RNF150: variants seen among roughly 807,000 people sequenced by gnomAD.
The protein encoded by RNF150 is ring finger protein 150.
A neutral mutation model predicts 39.3 loss-of-function variants in RNF150; 24 were observed. The ratio of observed to expected loss-of-function variants is 0.61; its 90% CI spans 0.44 to 0.86. The LOEUF (loss-of-function observed/expected upper bound fraction) is 0.86, where lower values mean the gene tolerates loss of function less well. RNF150 is among the 40% of genes least tolerant of loss of function. The pLI, the probability that RNF150 is intolerant of heterozygous loss-of-function variation, is 0.00. For missense variants in RNF150, 502 were observed against 587.8 expected (o/e 0.85, Z 1.51); for synonymous variants, 255 against 227.3 (o/e 1.12, Z -1.10).
At chr4:141,048,479 C>A (rs148942290) in intron 1 of RNF150, among the ~76,000 whole-genome samples, 2 of 152,102 alleles carry the variant, frequency 1.3e-5, no homozygotes, top group East Asian at 3.9e-4. Flanking sequence ...GGGTATAATC[C>A]CAACACTTTG....
chr4:141,066,596 G>C (rs1386318449), intron 1 of RNF150, among the ~76,000 whole-genome samples: 2 of 152,132 alleles, frequency 1.3e-5, no homozygotes, highest in Non-Finnish European at 2.9e-5. Context: ...TAGTACCTTA[G>C]TAAGCATTCT....
chr4:140,967,922 A>G (rs760715216), intron 1 of RNF150, 49 bp from the exon 2 acceptor site: 3 of 1,551,492 alleles, frequency 1.9e-6, no homozygotes, highest in African/African-American at 2.7e-5. Context: ...GGGATAAGAT[A>G]TGGGGGATCC....
rs1184828240 is a variant in RNF150, at chr4:140,862,429, T to C, written c.*5832A>G. 6.6e-6 allele frequency: 1 copy of C among 152,004 alleles called. No homozygotes were observed. The highest frequency in any genetic ancestry group is 1.5e-5 in the Non-Finnish European group (1 of 68,040). The allele number at this position is 152,004 out of a possible 1,614,324, so 9.4% of individuals were successfully genotyped here. ...AGGTGAAGAGAGATGTGACTGACCTTAGCAGGTTCTTGTAGAACAAGCAGG... is the reference window on the plus strand; with the variant it reads ...AGGTGAAGAGAGATGTGACTGACCTCAGCAGGTTCTTGTAGAACAAGCAGG... On this transcript the variant is annotated 3_prime_UTR_variant, in exon 7 of 7. Transcript: ENST00000515673.
intron 1 of RNF150, among the ~76,000 whole-genome samples, chr4:141,123,556 AT>A (rs1285418586): frequency 6.7e-6 from 1 of 150,358 alleles, no homozygotes; most frequent in African/African-American, 2.5e-5. Flanking sequence ...TAATCATTTT[AT>A]TTTTTTTATT....
chr4:141,044,961 T>C (rs1423111221), intron 1 of RNF150, among the ~76,000 whole-genome samples: 1 of 152,256 alleles, frequency 6.6e-6, no homozygotes, highest in African/African-American at 2.4e-5. Flanking sequence ...GTATTTACCA[T>C]GTGCCAAGGC....
intron 6 of RNF150, among the ~76,000 whole-genome samples, chr4:140,871,534 A>G (rs995794027): frequency 6.6e-5 from 10 of 152,290 alleles, no homozygotes; most frequent in Non-Finnish European, 1.3e-4. Flanking sequence ...TGGCCCATCA[A>G]TCAACTCAGT....
chr4:141,123,585 G>A (rs1268474296), intron 1 of RNF150, among the ~76,000 whole-genome samples: 1 of 152,100 alleles, frequency 6.6e-6, no homozygotes, highest in African/African-American at 2.4e-5. Context: ...AAGTTCTAGG[G>A]TACATGTGCA....
chr4:141,150,730 T>A (rs1433215992), intron 1 of RNF150, among the ~76,000 whole-genome samples: 1 of 152,212 alleles, frequency 6.6e-6, no homozygotes, highest in African/African-American at 2.4e-5. Flanking sequence ...TTACTTTTCA[T>A]GTTCTCTCTA....
chr4:141,086,883 CCTTTT>C (rs1209883800), intron 1 of RNF150, among the ~76,000 whole-genome samples: 1 of 151,960 alleles, frequency 6.6e-6, no homozygotes, highest in African/African-American at 2.4e-5. Flanking sequence ...GGAAACCTTT[CCTTTT>C]CTTTCTCTCT....
At chr4:141,107,625 G>T (rs962685532) in intron 1 of RNF150, among the ~76,000 whole-genome samples, 11 of 152,180 alleles carry the variant, frequency 7.2e-5, no homozygotes, top group Admixed American at 5.2e-4. Flanking sequence ...GGGCAACAAA[G>T]ATGATACATG....
intron 1 of RNF150, among the ~76,000 whole-genome samples, chr4:141,065,320 G>A (rs1737410198): frequency 6.6e-6 from 1 of 152,144 alleles, no homozygotes. Context: ...CAGGGATAGG[G>A]AAGAAAAGTG....
chr4:141,065,899 T>C (rs147481268), intron 1 of RNF150, among the ~76,000 whole-genome samples: 2 of 152,106 alleles, frequency 1.3e-5, no homozygotes, highest in Admixed American at 6.6e-5. Context: ...TATCTCTATT[T>C]TGATGTTGAA....
At chr4:141,201,751 T>C (rs1728296053) in intron 1 of RNF150, among the ~76,000 whole-genome samples, 1 of 152,132 alleles carries the variant, frequency 6.6e-6, no homozygotes, top group Non-Finnish European at 1.5e-5. Context: ...CTTGTCTTCA[T>C]TTTGCCAATG....
intron 1 of RNF150, among the ~76,000 whole-genome samples, chr4:140,989,253 G>T (rs1428061711): frequency 6.6e-6 from 1 of 152,112 alleles, no homozygotes; most frequent in Non-Finnish European, 1.5e-5. Flanking sequence ...CAACAAGGCA[G>T]AATCTAAAAG....
chr4:141,066,043 C>T (rs1242817789), intron 1 of RNF150, among the ~76,000 whole-genome samples: 1 of 151,986 alleles, frequency 6.6e-6, no homozygotes, highest in Non-Finnish European at 1.5e-5. Flanking sequence ...TTTCATTCTA[C>T]TTGTCTTCTA....
intron 4 of RNF150, among the ~76,000 whole-genome samples, chr4:140,942,056 G>C (rs1228438895): frequency 6.6e-6 from 1 of 152,178 alleles, no homozygotes; most frequent in Non-Finnish European, 1.5e-5. Context: ...AGACGTTCTA[G>C]AGATGGACAG....
intron 6 of RNF150, among the ~76,000 whole-genome samples, chr4:140,910,882 A>C (rs901053881): frequency 2.6e-5 from 4 of 152,134 alleles, no homozygotes; most frequent in Non-Finnish European, 5.9e-5. Flanking sequence ...GCGGACATGG[A>C]GAGTGTGCAA....
intron 1 of RNF150, among the ~76,000 whole-genome samples, chr4:141,081,716 T>G (rs1738155504): frequency 6.6e-6 from 1 of 152,248 alleles, no homozygotes; most frequent in African/African-American, 2.4e-5. Context: ...TACGCGTGTG[T>G]GTACCTACTT....
chr4:141,059,666 T>C (rs974943323), intron 1 of RNF150, among the ~76,000 whole-genome samples: 1 of 152,134 alleles, frequency 6.6e-6, no homozygotes, highest in Non-Finnish European at 1.5e-5. Flanking sequence ...CTGTAAAAAG[T>C]AACAGGGAAA....
Sources: allele counts gnomAD v4.1 joint callset (sites outside exome capture counted in the v4.1 genomes callset), GRCh38; gene constraint gnomAD v4.1.1; transcripts MANE v1.5; gene names NCBI Gene and HGNC (gene_info 2026-07-23, HGNC 2026-07-21).